Variants in VDAC1 observed in about 807,000 individuals in gnomAD.
The protein encoded by VDAC1 is non-selective voltage-gated ion channel VDAC1.
Under a neutral mutation model 34.7 loss-of-function variants are expected in VDAC1, and 10 were observed. The observed-to-expected ratio is 0.29, with a 90% CI of 0.18 to 0.49. The LOEUF (loss-of-function observed/expected upper bound fraction) is 0.49. Ranked by LOEUF, VDAC1 falls within the 20% of genes least tolerant of loss-of-function variation. The probability of loss-of-function intolerance (pLI) is 0.99; values close to 1 mark genes in which losing one functional copy is unlikely to be tolerated. For synonymous variants in VDAC1, 130 were observed against 136.0 expected, an observed-to-expected ratio of 0.96 and a Z score of 0.30; for missense variants, 230 against 347.9, an observed-to-expected ratio of 0.66 and a Z score of 2.69.
the VDAC1 span, among the ~76,000 whole-genome samples, chr5:134,082,676 C>A: frequency 6.6e-6 from 1 of 152,318 alleles, no homozygotes; most frequent in South Asian, 2.1e-4. Context: ...ATATTCATAT[C>A]AGCAATATAA....
At chr5:134,027,483 A>G in the VDAC1 span, among the ~76,000 whole-genome samples, 1 of 152,142 alleles carries the variant, frequency 6.6e-6, no homozygotes, top group African/African-American at 2.4e-5. Context: ...GGAGAGACAA[A>G]GTATTTGCAA....
chr5:133,985,685 C>A (rs1395134203), intron 5 of VDAC1, among the ~76,000 whole-genome samples: 1 of 152,126 alleles, frequency 6.6e-6, no homozygotes, highest in East Asian at 1.9e-4. Context: ...CTTCATCTGC[C>A]TGCTCTTTGG....
At chr5:133,983,875 T>C (rs1580714914) in intron 5 of VDAC1, among the ~76,000 whole-genome samples, 1 of 109,990 alleles carries the variant, frequency 9.1e-6, no homozygotes, top group Non-Finnish European at 2.0e-5. Flanking sequence ...TCCCCACCAC[T>C]CTCTCTCTCT....
chr5:134,057,542 A>G, the VDAC1 span, among the ~76,000 whole-genome samples: 1 of 110,404 alleles, frequency 9.1e-6, no homozygotes. Context: ...TATCTATATA[A>G]GCCAAGTGTG....
the VDAC1 span, among the ~76,000 whole-genome samples, chr5:134,086,991 A>G: frequency 6.6e-6 from 1 of 152,206 alleles, no homozygotes; most frequent in Non-Finnish European, 1.5e-5. Flanking sequence ...AGGAAGAGCC[A>G]GGACAAAGCA....
intron 5 of VDAC1, among the ~76,000 whole-genome samples, chr5:133,986,994 G>A (rs567953975): frequency 1.5e-4 from 23 of 152,272 alleles, no homozygotes; most frequent in African/African-American, 3.6e-4. Context: ...ATAAATACAT[G>A]GGGAAGAAGG....
At chr5:133,983,384 G>A (rs1220760227) in intron 5 of VDAC1, among the ~76,000 whole-genome samples, 7 of 151,754 alleles carry the variant, frequency 4.6e-5, no homozygotes, top group African/African-American at 1.7e-4. Context: ...ATTAAGTGTT[G>A]TTATTTACTT....
At chr5:134,009,926 C>T (rs1309626321), upstream of VDAC1, among the ~76,000 whole-genome samples, 2 of 152,208 alleles carry the variant, frequency 1.3e-5, no homozygotes, top group African/African-American at 4.8e-5. Context: ...AGTAATCAAC[C>T]TGTCTTGGCC....
the VDAC1 span, among the ~76,000 whole-genome samples, chr5:134,110,703 G>C: frequency 5.3e-5 from 8 of 152,360 alleles, no homozygotes; most frequent in Middle Eastern, 3.4e-3. Flanking sequence ...TGAGCAGGAA[G>C]AGACGCCGCT....
chr5:134,109,977 T>G, the VDAC1 span, among the ~76,000 whole-genome samples: 1 of 152,210 alleles, frequency 6.6e-6, no homozygotes, highest in Non-Finnish European at 1.5e-5. Context: ...ACTCCACGTT[T>G]GCCTTCGCTG....
chr5:134,101,419 A>G, the VDAC1 span, among the ~76,000 whole-genome samples: 11 of 152,054 alleles, frequency 7.2e-5, no homozygotes, highest in Non-Finnish European at 1.0e-4. Context: ...GTGAAACCCC[A>G]TGTCTATTAA....
chr5:134,047,937 T>C, the VDAC1 span, among the ~76,000 whole-genome samples: 5 of 147,228 alleles, frequency 3.4e-5, no homozygotes, highest in Admixed American at 6.8e-5. Flanking sequence ...ATTTTTCTCT[T>C]TTTTTTTTTT....
At chr5:134,075,676 C>T in the VDAC1 span, among the ~76,000 whole-genome samples, 4 of 152,144 alleles carry the variant, frequency 2.6e-5, no homozygotes, top group African/African-American at 4.8e-5. Flanking sequence ...CTCCACCTCC[C>T]GGGTTCAAGT....
At chr5:134,030,772 T>C in the VDAC1 span, among the ~76,000 whole-genome samples, 1 of 152,104 alleles carries the variant, frequency 6.6e-6, no homozygotes, top group South Asian at 2.1e-4. Context: ...CACATCTGGC[T>C]AATTTTGTAT....
the VDAC1 span, among the ~76,000 whole-genome samples, chr5:134,069,582 C>A: frequency 6.6e-6 from 1 of 152,088 alleles, no homozygotes; most frequent in South Asian, 2.1e-4. Context: ...TCATCAGACC[C>A]GGAGCCTCTA....
the VDAC1 span, among the ~76,000 whole-genome samples, chr5:134,063,269 A>G: frequency 2.0e-5 from 3 of 152,174 alleles, no homozygotes; most frequent in Admixed American, 2.0e-4. Flanking sequence ...TAGTTTTCCC[A>G]CTAATGTCCT....
chr5:134,113,885 C>T, the VDAC1 span, among the ~76,000 whole-genome samples: 1,991 of 152,314 alleles, frequency 0.013, 47 homozygotes, highest in African/African-American at 0.045. Flanking sequence ...GGACGAGCGA[C>T]CCATGTCGGA....
chr5:134,067,947 G>A, the VDAC1 span, among the ~76,000 whole-genome samples: 1 of 152,030 alleles, frequency 6.6e-6, no homozygotes, highest in Non-Finnish European at 1.5e-5. Context: ...GTGAAACCCT[G>A]TCTCTACTGA....
At chr5:134,032,581 A>G in the VDAC1 span, among the ~76,000 whole-genome samples, 311 of 152,366 alleles carry the variant, frequency 2.0e-3, no homozygotes, top group African/African-American at 7.1e-3. Flanking sequence ...AGAATGGTTG[A>G]ATGAGCCACG....
Sources: allele counts gnomAD v4.1 joint callset (sites outside exome capture counted in the v4.1 genomes callset), GRCh38; gene constraint gnomAD v4.1.1; transcripts MANE v1.5; gene names NCBI Gene and HGNC (gene_info 2026-07-23, HGNC 2026-07-21).